Variants in PPARGC1A observed in about 807,000 individuals in gnomAD.
The protein encoded by PPARGC1A is peroxisome proliferator-activated receptor gamma coactivator 1-alpha.
In PPARGC1A, 25 loss-of-function variants were observed where a neutral mutation model predicts 88.7. That is an observed-to-expected ratio of 0.28 (90% CI 0.21 to 0.39). PPARGC1A has a LOEUF of 0.39. PPARGC1A is among the 10% of genes least tolerant of loss of function. The pLI is 1.00. For missense variants in PPARGC1A, 880 were observed against 968.7 expected, an observed-to-expected ratio of 0.91 and a Z score of 1.22; for synonymous variants, 363 against 355.6, an observed-to-expected ratio of 1.02 and a Z score of -0.24.
chr4:24,279,070 C>A, the PPARGC1A span, among the ~76,000 whole-genome samples: 4 of 152,206 alleles, frequency 2.6e-5, no homozygotes, highest in African/African-American at 4.8e-5. Flanking sequence ...TTCAGTGGGC[C>A]AGCAAAATTT....
At chr4:24,218,728 A>C in the PPARGC1A span, among the ~76,000 whole-genome samples, 1 of 152,358 alleles carries the variant, frequency 6.6e-6, no homozygotes, top group East Asian at 1.9e-4. Flanking sequence ...AGCAGTTACC[A>C]GCATCCCTCC....
At chr4:23,988,078 T>C in the PPARGC1A span, among the ~76,000 whole-genome samples, 4 of 151,986 alleles carry the variant, frequency 2.6e-5, no homozygotes, top group African/African-American at 9.7e-5. Flanking sequence ...AGAATGATGG[T>C]TTCCAGCTTC....
the PPARGC1A span, among the ~76,000 whole-genome samples, chr4:24,450,156 G>A: frequency 6.6e-6 from 1 of 152,216 alleles, no homozygotes; most frequent in Non-Finnish European, 1.5e-5. Flanking sequence ...TGGGTCAAGT[G>A]GACATTATCG....
the PPARGC1A span, among the ~76,000 whole-genome samples, chr4:24,156,024 C>T: frequency 6.6e-6 from 1 of 152,138 alleles, no homozygotes; most frequent in African/African-American, 2.4e-5. Context: ...AAGATCCACT[C>T]ATCATAAAAC....
At chr4:23,890,401 A>T (rs773870215), upstream of PPARGC1A, among the ~76,000 whole-genome samples, 9 of 152,002 alleles carry the variant, frequency 5.9e-5, no homozygotes, top group Non-Finnish European at 1.0e-4. Flanking sequence ...TTCCTTCCAA[A>T]ACAAGCAAGT....
At chr4:24,415,742 C>A in the PPARGC1A span, among the ~76,000 whole-genome samples, 2 of 152,172 alleles carry the variant, frequency 1.3e-5, no homozygotes, top group South Asian at 2.1e-4. Flanking sequence ...AGATGTTCGT[C>A]GTAATTTTGC....
At chr4:24,232,931 G>A in the PPARGC1A span, among the ~76,000 whole-genome samples, 1 of 152,190 alleles carries the variant, frequency 6.6e-6, no homozygotes, top group African/African-American at 2.4e-5. Context: ...AATCGTGAAG[G>A]AAAGGGGTCA....
At chr4:23,981,613 G>A in the PPARGC1A span, among the ~76,000 whole-genome samples, 29 of 152,248 alleles carry the variant, frequency 1.9e-4, no homozygotes, top group East Asian at 4.8e-3. Context: ...GAAAGGGAGA[G>A]CCCAGGTCCA....
At chr4:24,339,229 T>TACACACACAC in the PPARGC1A span, among the ~76,000 whole-genome samples, 18 of 100,084 alleles carry the variant, frequency 1.8e-4, no homozygotes, top group Middle Eastern at 5.6e-3. Flanking sequence ...TATATATATA[T>TACACACACAC]ATATATATAC....
chr4:24,313,518 A>C, the PPARGC1A span, among the ~76,000 whole-genome samples: 2 of 152,194 alleles, frequency 1.3e-5, no homozygotes, highest in African/African-American at 2.4e-5. Flanking sequence ...TTACATTTCT[A>C]CTGTGGTTGG....
rs915966356 is a variant in PPARGC1A, at chr4:23,794,640, G to A, written c.*1182C>T. The A allele has an allele frequency of 4.6e-5, 7 of 152,520 alleles. No individual in the cohort carries two copies. Among genetic ancestry groups the A allele is most frequent in the Non-Finnish European group, 8.8e-5 (6 of 68,010 alleles). 9.4% of individuals were successfully genotyped at this position (152,520 alleles called of 1,614,324 possible). A position where few individuals can be genotyped will look rare whatever the true frequency, so the allele number is the denominator to read the frequency against. On this transcript the variant is annotated 3_prime_UTR_variant, in exon 13 of 13. Transcript: ENST00000264867. ...ATTCTTGATTAAGAAAAATTTAGCA[G>A]TTTTGAAAAGAAGGCTGCATTTACA...
At chr4:24,237,988 G>A in the PPARGC1A span, among the ~76,000 whole-genome samples, 1 of 152,176 alleles carries the variant, frequency 6.6e-6, no homozygotes, top group African/African-American at 2.4e-5. Context: ...ATAGATAAGT[G>A]CTAATATAGC....
chr4:24,406,093 C>T, the PPARGC1A span, among the ~76,000 whole-genome samples: 9 of 152,308 alleles, frequency 5.9e-5, no homozygotes, highest in East Asian at 5.8e-4. Context: ...GAAAGGCACA[C>T]GCTACAGAAA....
chr4:24,469,460 C>A, the PPARGC1A span, among the ~76,000 whole-genome samples: 2 of 152,206 alleles, frequency 1.3e-5, no homozygotes, highest in Non-Finnish European at 2.9e-5. Flanking sequence ...ATCTGACGCA[C>A]CTTCCCCTAA....
At chr4:23,839,718 G>A (rs1167138356) in intron 2 of PPARGC1A, among the ~76,000 whole-genome samples, 4 of 152,128 alleles carry the variant, frequency 2.6e-5, no homozygotes, top group African/African-American at 9.7e-5. Flanking sequence ...TAGACTCACA[G>A]TTCCACGTGG....
the PPARGC1A span, among the ~76,000 whole-genome samples, chr4:24,309,054 T>C: frequency 2.9e-4 from 44 of 152,142 alleles, no homozygotes; most frequent in African/African-American, 1.0e-3. Flanking sequence ...ATTCATTCAT[T>C]CAGTAGGTAT....
chr4:24,189,628 C>G, the PPARGC1A span, among the ~76,000 whole-genome samples: 1 of 152,168 alleles, frequency 6.6e-6, no homozygotes, highest in African/African-American at 2.4e-5. Context: ...CCTTGTATCA[C>G]TTCTAGCATA....
chr4:24,402,907 G>A, the PPARGC1A span, among the ~76,000 whole-genome samples: 1 of 152,216 alleles, frequency 6.6e-6, no homozygotes, highest in Non-Finnish European at 1.5e-5. Context: ...ATTTGCTAAT[G>A]TATCCCCACA....
At chr4:24,412,815 A>T in the PPARGC1A span, among the ~76,000 whole-genome samples, 1 of 152,088 alleles carries the variant, frequency 6.6e-6, no homozygotes, top group African/African-American at 2.4e-5. Context: ...CACACCCACC[A>T]TTTACCCATT....
Sources: allele counts gnomAD v4.1 joint callset (sites outside exome capture counted in the v4.1 genomes callset), GRCh38; gene constraint gnomAD v4.1.1; transcripts MANE v1.5; gene names NCBI Gene and HGNC (gene_info 2026-07-23, HGNC 2026-07-21).